Variants in NHSL2 observed in about 807,000 individuals in gnomAD.
The protein encoded by NHSL2 is NHS like 2, also known as NHS-like protein 2.
NHSL2 carries 27 observed loss-of-function variants against 53.4 expected under a neutral mutation model. That is an observed-to-expected ratio of 0.51 (90% CI 0.37 to 0.70). The LOEUF is 0.70. Among genes scored for constraint, NHSL2 ranks in the 30% least tolerant of loss-of-function variants. The pLI is 0.00. For missense variants in NHSL2, 892 were observed against 980.1 expected, an observed-to-expected ratio of 0.91 and a Z score of 1.20; for synonymous variants, 408 against 404.1, an observed-to-expected ratio of 1.01 and a Z score of -0.12.
intron 1 of NHSL2, among the ~76,000 whole-genome samples, chrX:72,003,987 G>A (rs750160023): frequency 9.8e-5 from 11 of 111,771 alleles, no homozygotes; most frequent in Non-Finnish European, 1.5e-4. Context: ...GGTTTAGGAG[G>A]CATTATTATC....
At chrX:72,067,925 G>A (rs897746501) in intron 1 of NHSL2, among the ~76,000 whole-genome samples, 4 of 112,345 alleles carry the variant, frequency 3.6e-5, no homozygotes, top group Non-Finnish European at 7.5e-5. Context: ...CTCAACAGGA[G>A]AGGTTCCTAG....
intron 1 of NHSL2, among the ~76,000 whole-genome samples, chrX:72,031,179 AG>A (rs1004603878): frequency 8.9e-5 from 10 of 111,748 alleles, no homozygotes; most frequent in African/African-American, 3.3e-4. Context: ...GGCTTAATTG[AG>A]GGCACCAAGG....
At chrX:72,108,280 C>T (rs1361121017) in intron 1 of NHSL2, among the ~76,000 whole-genome samples, 1 of 112,397 alleles carries the variant, frequency 8.9e-6, no homozygotes, top group Non-Finnish European at 1.9e-5. Flanking sequence ...CTTACATTAA[C>T]TCACCCCAGC....
In NHSL2 at chrX:72,142,330, C is replaced by T. The variant is rs1360922544; in HGVS notation, c.3322C>T (p.Arg1108Cys). 8 of 1,161,998 alleles carry T rather than the reference C, an allele frequency of 6.9e-6. No individual in the cohort carries two copies. The highest frequency in any genetic ancestry group is 1.9e-5 in the South Asian group (1 of 52,400). The stretch of plus-strand genomic sequence containing the variant: ...TGATGATGACGTGTTTGTGGCTTCA[C>T]GCACAACTGAAGATTTATTTACTGT... ...EDDDDVFVAS[R>C]TTEDLFTVIH... is the part of the protein sequence containing the mutation. Residue 1108 changes from arginine (R) to cysteine (C), a missense_variant, in exon 7 of 8, where the codon CGC becomes TGC. Physicochemically the swap from Arg to Cys is radical, Grantham distance 180 (BLOSUM62 -3). Coordinates refer to ENST00000633930, the MANE Select transcript of NHSL2 (RefSeq NM_001013627.3).
chrX:72,037,684 T>G (rs1472309640), intron 1 of NHSL2, among the ~76,000 whole-genome samples: 1 of 111,918 alleles, frequency 8.9e-6, no homozygotes, highest in Non-Finnish European at 1.9e-5. Flanking sequence ...CAGGTGCCTG[T>G]GAAACTGTCA....
At chrX:72,029,466 G>T (rs1445374931) in intron 1 of NHSL2, among the ~76,000 whole-genome samples, 2 of 112,751 alleles carry the variant, frequency 1.8e-5, no homozygotes, top group Non-Finnish European at 3.7e-5. Flanking sequence ...GCCTGGAAAA[G>T]GGATAGGGAA....
chrX:72,002,951 C>T (rs1164015408), intron 1 of NHSL2, among the ~76,000 whole-genome samples: 1 of 110,968 alleles, frequency 9.0e-6, no homozygotes, highest in Non-Finnish European at 1.9e-5. Context: ...ATTTGGAACC[C>T]ATTTGGTGAG....
intron 2 of NHSL2, among the ~76,000 whole-genome samples, chrX:72,133,204 C>T (rs1392270809): frequency 2.7e-5 from 3 of 112,337 alleles, no homozygotes. Context: ...CCCAACTGTC[C>T]GTGGAAGAAA....
At chrX:71,958,055 C>T (rs1261364041) in intron 1 of NHSL2, among the ~76,000 whole-genome samples, 5 of 103,046 alleles carry the variant, frequency 4.9e-5, no homozygotes, top group Non-Finnish European at 5.9e-5. Context: ...TGAATAGGGA[C>T]GGGGTTTCTA....
chrX:71,960,104 T>A (rs1331709319), intron 1 of NHSL2, among the ~76,000 whole-genome samples: 1 of 112,747 alleles, frequency 8.9e-6, no homozygotes, highest in Non-Finnish European at 1.9e-5. Flanking sequence ...TTGCATTTCC[T>A]TAATGACTCA....
chrX:71,959,673 T>C (rs2041858909), intron 1 of NHSL2, among the ~76,000 whole-genome samples: 1 of 111,707 alleles, frequency 9.0e-6, no homozygotes, highest in Admixed American at 9.5e-5. Context: ...AATCTACTTT[T>C]TGTCTCTAGA....
In NHSL2 at chrX:72,088,549, C is replaced by T. The variant is rs542684854; in HGVS notation, c.281-43530C>T. Among the ~76,000 whole-genome samples the T allele has an allele frequency of 3.3e-4, 37 of 111,894 alleles. 1 individual carries two copies. The South Asian group carries it at 0.014, about 42-fold the overall frequency. ...AATAACACATGACAAAGCACAACTCCCACATGGGTCTCCGTGAAATGGCCT... is the reference window on the plus strand; with the variant it reads ...AATAACACATGACAAAGCACAACTCTCACATGGGTCTCCGTGAAATGGCCT... On this transcript the variant is annotated intron_variant, in intron 1 of 7. Transcript: ENST00000633930.
intron 1 of NHSL2, among the ~76,000 whole-genome samples, chrX:71,950,525 A>G: frequency 8.9e-6 from 1 of 112,468 alleles, no homozygotes; most frequent in Middle Eastern, 4.6e-3. Context: ...TTCTAGCTGG[A>G]GTTTGCTTCA....
intron 1 of NHSL2, among the ~76,000 whole-genome samples, chrX:72,082,815 A>G (rs1189686030): frequency 8.9e-6 from 1 of 112,280 alleles, no homozygotes. Flanking sequence ...AACCTCGGCC[A>G]GGCTGAAGAG....
rs2042464163 is a variant in NHSL2, at chrX:72,146,401, C to T, written c.*2827C>T. The T allele has an allele frequency of 8.9e-6, 1 of 112,593 alleles. No homozygotes were observed. The highest frequency in any genetic ancestry group is 1.9e-5 in the Non-Finnish European group (1 of 53,333). 9.3% of individuals were successfully genotyped at this position (112,593 alleles called of 1,213,427 possible). On this transcript the variant is annotated 3_prime_UTR_variant, in exon 8 of 8. Coordinates refer to ENST00000633930, the MANE Select transcript of NHSL2 (RefSeq NM_001013627.3). Reference sequence around the variant, plus strand: ...ATGTTTGCTGCCTTCTGCACCTACGCTGCTGAGACTGGAGAAGAGAGGCTG... The same window carrying T: ...ATGTTTGCTGCCTTCTGCACCTACGTTGCTGAGACTGGAGAAGAGAGGCTG...
intron 1 of NHSL2, among the ~76,000 whole-genome samples, chrX:72,081,370 G>T (rs1284677630): frequency 8.9e-6 from 1 of 112,380 alleles, no homozygotes; most frequent in Non-Finnish European, 1.9e-5. Flanking sequence ...GGAGCCAAGG[G>T]TCTTGGTAAC....
Position 72,137,332 on chromosome X carries a change from AG to A in NHSL2, c.892+109del, listed in dbSNP as rs2042365334. The stretch of plus-strand genomic sequence containing the variant: ...ATGGGGAACAGGAATAATTGGGTGG[AG>A]GAGGGGGCCTCCGGATGTCCTGAAA... On this transcript the variant is annotated intron_variant, in intron 5 of 7. Transcript: ENST00000633930. 6.4e-6 allele frequency: 5 copies of A among 786,863 alleles called. No homozygotes were observed. In the South Asian group the frequency reaches 1.5e-4, roughly 23 times the overall value. 64.8% of individuals were successfully genotyped at this position (786,863 alleles called of 1,213,427 possible).
At chrX:72,093,721 G>GCTTGCTTGCTTGCTTGCTTTCTTT (rs1216358306) in intron 1 of NHSL2, among the ~76,000 whole-genome samples, 2 of 95,338 alleles carry the variant, frequency 2.1e-5, no homozygotes, top group African/African-American at 8.7e-5. Context: ...TAGCTTGCTT[G>GCTTGCTTGCTTGCTTGCTTTCTTT]CTTTCTTTCT....
At chrX:71,969,313 T>A (rs1469946583) in intron 1 of NHSL2, among the ~76,000 whole-genome samples, 1 of 97,206 alleles carries the variant, frequency 1.0e-5, no homozygotes, top group Non-Finnish European at 1.9e-5. Context: ...TTTCTTTTTT[T>A]TTTTTCTTTT....
Sources: gnomAD v4.1 joint callset for allele counts (sites outside exome capture counted in the v4.1 genomes callset) on GRCh38, gnomAD v4.1.1 for gene constraint, MANE v1.5 for transcripts, NCBI Gene and HGNC (gene_info 2026-07-23, HGNC 2026-07-21) for gene names.